Variants in CLYBL observed in about 807,000 individuals in gnomAD.
CLYBL encodes citramalyl-CoA lyase, also known as citramalyl-CoA lyase, mitochondrial.
Under a neutral mutation model 38.9 loss-of-function variants are expected in CLYBL, and 31 were observed. The observed-to-expected ratio is 0.80, with a 90% CI of 0.60 to 1.08. The LOEUF (loss-of-function observed/expected upper bound fraction) is 1.08. CLYBL is among the 50% of genes least tolerant of loss of function. The pLI is 0.00. For synonymous variants in CLYBL, 171 were observed against 158.6 expected (o/e 1.08, Z -0.59); for missense variants, 434 against 411.6 (o/e 1.05, Z -0.47).
intron 1 of CLYBL, among the ~76,000 whole-genome samples, chr13:99,645,177 A>G (rs1013747692): frequency 1.3e-5 from 2 of 152,104 alleles, no homozygotes; most frequent in African/African-American, 4.8e-5. Flanking sequence ...CCTCGCTAGC[A>G]TTTGTTATTG....
chr13:99,678,181 C>T (rs2047681789), intron 1 of CLYBL, among the ~76,000 whole-genome samples: 1 of 152,198 alleles, frequency 6.6e-6, no homozygotes, highest in Non-Finnish European at 1.5e-5. Flanking sequence ...GTCTTCTTAA[C>T]CATACGGCTG....
chr13:99,781,960 C>T (rs1349497702), intron 2 of CLYBL, among the ~76,000 whole-genome samples: 1 of 152,250 alleles, frequency 6.6e-6, no homozygotes, highest in Non-Finnish European at 1.5e-5. Flanking sequence ...AGTTATTTCT[C>T]TCGCACTGTA....
intron 1 of CLYBL, among the ~76,000 whole-genome samples, chr13:99,752,556 A>G (rs944446919): frequency 5.3e-5 from 8 of 152,110 alleles, no homozygotes; most frequent in Admixed American, 4.6e-4. Context: ...AACACAGCCC[A>G]GCCCAGGCCA....
chr13:99,747,851 G>C (rs4771344), intron 1 of CLYBL, among the ~76,000 whole-genome samples: 50,314 of 152,092 alleles, frequency 0.33, 9,722 homozygotes, highest in South Asian at 0.51. Context: ...GTTTTATCCT[G>C]AATCTGATCA....
At chr13:99,749,913 G>A (rs1388329978) in intron 1 of CLYBL, among the ~76,000 whole-genome samples, 1 of 152,218 alleles carries the variant, frequency 6.6e-6, no homozygotes, top group South Asian at 2.1e-4. Flanking sequence ...TTAGCAAAGT[G>A]AGAACATAAG....
At chr13:99,786,893 G>A (rs1476215378) in intron 2 of CLYBL, among the ~76,000 whole-genome samples, 26 of 151,538 alleles carry the variant, frequency 1.7e-4, no homozygotes, top group African/African-American at 4.4e-4. Flanking sequence ...TTTAATGATC[G>A]CCATTCTAAC....
At position 99,862,899 on chromosome 13, in the gene CLYBL, C is replaced by T. The variant is rs548906674; in HGVS notation, c.439-92C>T. 83 of 521,692 alleles carry T rather than the reference C, an allele frequency of 1.6e-4. No homozygotes were observed. The East Asian group carries it at 2.5e-3, about 16-fold the overall frequency. 32.3% of individuals were successfully genotyped at this position (521,692 alleles called of 1,614,324 possible). ...GAAAGAGGCTTGGATATTACTTCCT[C>T]AGGTCAAAGACTTAAATACTACTTC... On this transcript the variant is annotated intron_variant, in intron 3 of 8. Transcript: ENST00000339105.
chr13:99,623,856 G>C (rs1032785372), intron 1 of CLYBL, among the ~76,000 whole-genome samples: 3 of 151,942 alleles, frequency 2.0e-5, no homozygotes, highest in African/African-American at 7.3e-5. Flanking sequence ...CTACTCGGGA[G>C]GCTGAGGCAG....
At position 99,866,274 on chromosome 13, in the gene CLYBL, C is replaced by T; in HGVS notation, c.669C>T (p.Leu223=). ...ATSSKETLDI[L]YARQKIVVIA... ...GTAGTAAAGAAACCCTGGATATTCT[C>T]TACGCCCGGCAAAAGATTGTTGTCA... The change falls in exon 6 of 9, where the codon CTC becomes CTT. Residue 223 remains leucine, a synonymous_variant. Coordinates refer to ENST00000339105, the MANE Select transcript of CLYBL (RefSeq NM_206808.5). The T allele has an allele frequency of 6.2e-7, 1 of 1,613,984 alleles. No individual in the cohort carries two copies. The highest frequency in any genetic ancestry group is 2.2e-5 in the East Asian group (1 of 44,866).
chr13:99,694,058 G>A (rs1199035507), intron 1 of CLYBL, among the ~76,000 whole-genome samples: 1 of 152,192 alleles, frequency 6.6e-6, no homozygotes, highest in Non-Finnish European at 1.5e-5. Flanking sequence ...TAAATGGAAG[G>A]AAGCTAAGCA....
chr13:99,766,051 C>A (rs1405146570), intron 1 of CLYBL, among the ~76,000 whole-genome samples: 8 of 151,944 alleles, frequency 5.3e-5, no homozygotes, highest in African/African-American at 1.9e-4. Flanking sequence ...GGGGGTCTCA[C>A]TATGTTGCCC....
At chr13:99,851,244 G>A (rs1419351355) in intron 2 of CLYBL, among the ~76,000 whole-genome samples, 1 of 151,860 alleles carries the variant, frequency 6.6e-6, no homozygotes, top group Non-Finnish European at 1.5e-5. Context: ...GTGGATGCCT[G>A]TAATCCCAGC....
intron 1 of CLYBL, among the ~76,000 whole-genome samples, chr13:99,710,358 G>A (rs1212743616): frequency 6.6e-6 from 1 of 152,120 alleles, no homozygotes; most frequent in Non-Finnish European, 1.5e-5. Flanking sequence ...TCACGGGGCC[G>A]CACATGGCAT....
intron 1 of CLYBL, among the ~76,000 whole-genome samples, chr13:99,682,223 G>A (rs550793392): frequency 4.0e-5 from 6 of 150,870 alleles, no homozygotes; most frequent in Non-Finnish European, 7.4e-5. Flanking sequence ...GGCTCACTGC[G>A]TCCTCCACCT....
At chr13:99,618,599 A>G (rs1683748665) in intron 1 of CLYBL, among the ~76,000 whole-genome samples, 1 of 152,168 alleles carries the variant, frequency 6.6e-6, no homozygotes. Flanking sequence ...TGTACAGTTT[A>G]GTGGCATTAA....
At chr13:99,616,815 G>A (rs1339677249) in intron 1 of CLYBL, among the ~76,000 whole-genome samples, 1 of 152,066 alleles carries the variant, frequency 6.6e-6, no homozygotes, top group East Asian at 1.9e-4. Flanking sequence ...AATTAGCCTG[G>A]TGTGGTTGCG....
chr13:99,673,757 T>C (rs2047601584), intron 1 of CLYBL, among the ~76,000 whole-genome samples: 1 of 152,104 alleles, frequency 6.6e-6, no homozygotes, highest in South Asian at 2.1e-4. Flanking sequence ...TTTAAACAGA[T>C]CCCTCCAGAA....
rs375403518 is a variant in CLYBL, at chr13:99,688,282, C to T, written c.62+81525C>T. Among the ~76,000 whole-genome samples the T allele has an allele frequency of 3.2e-4, 48 of 151,698 alleles. 1 individual carries two copies. Among genetic ancestry groups the T allele is most frequent in the African/African-American group, 9.9e-4 (41 of 41,260 alleles). On this transcript the variant is annotated intron_variant, in intron 1 of 8. Coordinates refer to ENST00000339105, the MANE Select transcript of CLYBL (RefSeq NM_206808.5). ...GACTCGCTGTGTGTGTTTTAGGGGC[C>T]GTTTTAGGTTATTTTAGCTCTTATG...
intron 7 of CLYBL, among the ~76,000 whole-genome samples, chr13:99,879,889 G>A (rs1382039038): frequency 6.6e-6 from 1 of 151,970 alleles, no homozygotes; most frequent in Non-Finnish European, 1.5e-5. Flanking sequence ...CATGTGTGCC[G>A]TGGTCATGGG....
Sources: gnomAD v4.1 joint callset for allele counts (sites outside exome capture counted in the v4.1 genomes callset) on GRCh38, gnomAD v4.1.1 for gene constraint, MANE v1.5 for transcripts, NCBI Gene and HGNC (gene_info 2026-07-23, HGNC 2026-07-21) for gene names.